Variants in WNT3A observed in about 807,000 individuals in gnomAD.
The protein encoded by WNT3A is protein Wnt-3a.
Under a neutral mutation model 37.0 loss-of-function variants are expected in WNT3A, and 17 were observed. That is an observed-to-expected ratio of 0.46 (90% confidence interval 0.31 to 0.69). WNT3A has a LOEUF of 0.69. WNT3A is among the 30% of genes least tolerant of loss of function. The pLI is 0.05. For missense variants in WNT3A, 411 were observed against 510.2 expected, an observed-to-expected ratio of 0.81 and a Z score of 1.87; for synonymous variants, 187 against 211.0, an observed-to-expected ratio of 0.89 and a Z score of 0.99.
At chr1:228,029,396 C>T (rs554697025) in intron 2 of WNT3A, among the ~76,000 whole-genome samples, 49 of 152,258 alleles carry the variant, frequency 3.2e-4, no homozygotes, top group African/African-American at 1.1e-3. Context: ...ACAGTCCTGC[C>T]GGCAGAGGCG....
At chr1:228,030,473 A>G (rs978385056) in intron 2 of WNT3A, among the ~76,000 whole-genome samples, 3 of 152,202 alleles carry the variant, frequency 2.0e-5, no homozygotes, top group African/African-American at 4.8e-5. Flanking sequence ...TCCTTCCACC[A>G]TGCATATGCT....
chr1:228,022,116 G>A (rs543196814), intron 1 of WNT3A, among the ~76,000 whole-genome samples: 1 of 152,324 alleles, frequency 6.6e-6, no homozygotes, highest in South Asian at 2.1e-4. Context: ...AGCCAGCATT[G>A]AGTATTTATT....
intron 2 of WNT3A, among the ~76,000 whole-genome samples, chr1:228,046,354 T>C (rs931209406): frequency 8.6e-5 from 13 of 150,988 alleles, no homozygotes; most frequent in Admixed American, 2.6e-4. Flanking sequence ...TGTGTTTGTG[T>C]GTGGTGGGTT....
At position 228,060,377 on chromosome 1, in the gene WNT3A, C is replaced by A; in HGVS notation, c.*912C>A. ...TCCAAGCGCCTGGCTTTGGAATGCT[C>A]CAGGCGCGCCGACGCCTGTGCCACC... is the stretch of plus-strand genomic sequence containing the variant. On this transcript the variant is annotated 3_prime_UTR_variant, in exon 4 of 4. Transcript: ENST00000284523. The A allele has an allele frequency of 8.5e-7, 1 of 1,172,004 alleles. No homozygotes were observed. Among genetic ancestry groups the A allele is most frequent in the Non-Finnish European group, 1.1e-6 (1 of 871,510 alleles). 72.6% of individuals were successfully genotyped at this position (1,172,004 alleles called of 1,614,324 possible). A position where few individuals can be genotyped will look rare whatever the true frequency, so the allele number is the denominator to read the frequency against.
intron 2 of WNT3A, among the ~76,000 whole-genome samples, chr1:228,048,047 C>T (rs2031463089): frequency 6.6e-6 from 1 of 152,174 alleles, no homozygotes; most frequent in African/African-American, 2.4e-5. Context: ...CAGAGGAGGT[C>T]ACAGCCCCCT....
rs80286438 is a variant in WNT3A at position 228,059,491 on chromosome 1, G to A, written c.*26G>A. The stretch of plus-strand genomic sequence containing the variant: ...GCACCGGCCGCGGCTCCCCCTGGAC[G>A]GGGCGGGCCCTGCCTGAGGGTGGGC... On this transcript the variant is annotated 3_prime_UTR_variant, in exon 4 of 4. Coordinates refer to ENST00000284523, the MANE Select transcript of WNT3A (RefSeq NM_033131.4). 3 of 1,481,718 alleles carry A rather than the reference G, an allele frequency of 2.0e-6. No individual in the cohort carries two copies. Among genetic ancestry groups the A allele is most frequent in the Non-Finnish European group, 2.7e-6 (3 of 1,123,778 alleles). The allele number at this position is 1,481,718 out of a possible 1,614,324, so 91.8% of individuals were successfully genotyped here.
rs757441870 is a variant in WNT3A, at chr1:228,059,481, C to A, written c.*16C>A. On this transcript the variant is annotated 3_prime_UTR_variant, in exon 4 of 4. Coordinates refer to ENST00000284523, the MANE Select transcript of WNT3A (RefSeq NM_033131.4). ...CTGCAAGTAGGCACCGGCCGCGGCT[C>A]CCCCTGGACGGGGCGGGCCCTGCCT... 2.0e-6 allele frequency: 3 copies of A among 1,489,938 alleles called. No individual in the cohort carries two copies. Among genetic ancestry groups the A allele is most frequent in the Non-Finnish European group, 2.7e-6 (3 of 1,127,126 alleles). The allele number at this position is 1,489,938 out of a possible 1,614,324, so 92.3% of individuals were successfully genotyped here. A position where few individuals can be genotyped will look rare whatever the true frequency, so the allele number is the denominator to read the frequency against.
intron 2 of WNT3A, among the ~76,000 whole-genome samples, chr1:228,025,582 C>A (rs887821243): frequency 6.6e-6 from 1 of 152,190 alleles, no homozygotes; most frequent in Non-Finnish European, 1.5e-5. Flanking sequence ...CTCCTGGGCT[C>A]AAGCGATCCA....
intron 2 of WNT3A, among the ~76,000 whole-genome samples, chr1:228,027,447 T>G (rs2030879896): frequency 1.3e-5 from 2 of 152,222 alleles, no homozygotes; most frequent in Non-Finnish European, 2.9e-5. Context: ...TATTATTTTT[T>G]GATTTTTCAA....
intron 2 of WNT3A, among the ~76,000 whole-genome samples, chr1:228,047,546 T>G (rs926904773): frequency 4.6e-5 from 7 of 152,182 alleles, no homozygotes; most frequent in African/African-American, 1.7e-4. Flanking sequence ...CAGGGGCTGC[T>G]GTCTCGGTCC....
chr1:228,017,065 A>T (rs1254344684), intron 1 of WNT3A, among the ~76,000 whole-genome samples: 1 of 152,244 alleles, frequency 6.6e-6, no homozygotes, highest in African/African-American at 2.4e-5. Flanking sequence ...CTTAGAAAGC[A>T]GTGGCCCCTG....
At chr1:228,016,461 C>T (rs1302700827) in intron 1 of WNT3A, among the ~76,000 whole-genome samples, 1 of 152,096 alleles carries the variant, frequency 6.6e-6, no homozygotes, top group Non-Finnish European at 1.5e-5. Context: ...AGGGCCACCA[C>T]CCATGTCCCC....
Position 228,016,176 on chromosome 1 carries a change from G to T in WNT3A, c.72-6491G>T, listed in dbSNP as rs1342626598. On this transcript the variant is annotated intron_variant, in intron 1 of 3. Coordinates refer to ENST00000284523, the MANE Select transcript of WNT3A (RefSeq NM_033131.4). ...TTATCAGCAAGGCTGACTCCCCAGG[G>T]ACTCAACCCAAGGGAGCCCCCAAGG... 2.6e-5 allele frequency among the ~76,000 whole-genome samples: 4 copies of T among 152,112 alleles called. No individual in the cohort carries two copies. The East Asian group carries it at 5.8e-4, about 22-fold the overall frequency.
Position 228,050,941 on chromosome 1 carries a change from G to C in WNT3A, c.579+20G>C. 6.6e-7 allele frequency: 1 copy of C among 1,514,494 alleles called. No individual in the cohort carries two copies. The allele number at this position is 1,514,494 out of a possible 1,614,324, so 93.8% of individuals were successfully genotyped here. A position where few individuals can be genotyped will look rare whatever the true frequency, so the allele number is the denominator to read the frequency against. On this transcript the variant is annotated intron_variant, in intron 3 of 3. Coordinates refer to ENST00000284523, the MANE Select transcript of WNT3A (RefSeq NM_033131.4). This position sits in a 1 kb window ranked among gnomAD's most constrained non-coding sequence, Gnocchi z 5.0. Reference sequence around the variant, plus strand: ...CGCCAGGTAGGTTCGCCGCCCGCAAGGGTGCTTGGGAAAAAGGAGCCTCCT... The same window carrying C: ...CGCCAGGTAGGTTCGCCGCCCGCAACGGTGCTTGGGAAAAAGGAGCCTCCT...
At chr1:228,041,986 T>C (rs747356713) in intron 2 of WNT3A, among the ~76,000 whole-genome samples, 1 of 151,766 alleles carries the variant, frequency 6.6e-6, no homozygotes, top group Non-Finnish European at 1.5e-5. Flanking sequence ...TTCTGGAGGA[T>C]TTTTTTTTCT....
Position 228,029,075 on chromosome 1 carries a change from C to T in WNT3A, c.313+6167C>T, listed in dbSNP as rs1402632898. 2.6e-5 allele frequency among the ~76,000 whole-genome samples: 4 copies of T among 152,274 alleles called. No homozygotes were observed. In the East Asian group the frequency reaches 7.7e-4, roughly 29 times the overall value. The stretch of plus-strand genomic sequence containing the variant: ...GAACGCCGGCCTTCACTGTCCCAGG[C>T]AGGTTTGTAGGCACCACCACATGAA... On this transcript the variant is annotated intron_variant, in intron 2 of 3. Transcript: ENST00000284523.
chr1:228,016,347 G>A (rs375616262), intron 1 of WNT3A, among the ~76,000 whole-genome samples: 1 of 152,108 alleles, frequency 6.6e-6, no homozygotes, highest in East Asian at 1.9e-4. Context: ...TGGCACTCAC[G>A]CTCCTGGGGC....
intron 3 of WNT3A, among the ~76,000 whole-genome samples, chr1:228,058,446 G>A (rs1430193985): frequency 6.6e-6 from 1 of 152,218 alleles, no homozygotes; most frequent in African/African-American, 2.4e-5. Flanking sequence ...GCTCCTCAGC[G>A]AGGTCCTGCC....
Position 228,037,808 on chromosome 1 carries a change from A to T in WNT3A, c.314-12848A>T, listed in dbSNP as rs1446471747. The stretch of plus-strand genomic sequence containing the variant: ...CAGCGACGGCGACAAGATTAAGCAC[A>T]AGGGGAGAGTGCAAATGCGCGGGCG... On this transcript the variant is annotated intron_variant, in intron 2 of 3. Coordinates refer to ENST00000284523, the MANE Select transcript of WNT3A (RefSeq NM_033131.4). This position sits in a 1 kb window ranked among gnomAD's most constrained non-coding sequence, Gnocchi z 4.1. Among the ~76,000 whole-genome samples the T allele has an allele frequency of 1.3e-5, 2 of 152,188 alleles. No individual in the cohort carries two copies. The highest frequency in any genetic ancestry group is 2.9e-5 in the Non-Finnish European group (2 of 68,022).
Sources: gnomAD v4.1 joint callset for allele counts (sites outside exome capture counted in the v4.1 genomes callset) on GRCh38, gnomAD v4.1.1 for gene constraint, Gnocchi (gnomAD v3.1) non-coding constraint, MANE v1.5 for transcripts, NCBI Gene and HGNC (gene_info 2026-07-23, HGNC 2026-07-21) for gene names.